KIFC1: variants seen among roughly 807,000 people sequenced by gnomAD.
KIFC1 encodes the protein kinesin-like protein KIFC1.
A neutral mutation model predicts 66.6 loss-of-function variants in KIFC1; 37 were observed. The ratio of observed to expected loss-of-function variants is 0.56; its 90% CI spans 0.43 to 0.73. KIFC1 has a LOEUF of 0.73. KIFC1 is among the 30% of genes least tolerant of loss of function. KIFC1 has a pLI of 0.00. For missense variants in KIFC1, 721 were observed against 859.8 expected (o/e 0.84, Z 2.02); for synonymous variants, 325 against 343.5 (o/e 0.95, Z 0.60).
At chr6:33,397,134 T>C (rs1775093690) in intron 1 of KIFC1, among the ~76,000 whole-genome samples, 1 of 150,374 alleles carries the variant, frequency 6.7e-6, no homozygotes, top group African/African-American at 2.5e-5. Flanking sequence ...TACAGGCACA[T>C]GCCACCATGC....
intron 10 of KIFC1, 200 bp downstream of exon 10, chr6:33,407,075 C>T: frequency 1.4e-6 from 2 of 1,406,042 alleles, no homozygotes; most frequent in Non-Finnish European, 1.8e-6. Flanking sequence ...ATTAATTTAA[C>T]CTGAGAAAGC....
At chr6:33,392,246 C>T (rs1210591132) in intron 1 of KIFC1, among the ~76,000 whole-genome samples, 1 of 152,244 alleles carries the variant, frequency 6.6e-6, no homozygotes, top group African/African-American at 2.4e-5. Context: ...CCTCCCTTAA[C>T]TTTCATGTCT....
chr6:33,406,116 T>G lies in KIFC1; in HGVS notation c.1537-80T>G. On this transcript the variant is annotated intron_variant, in intron 7 of 10. Transcript: ENST00000428849. This position sits in a 1 kb window ranked among gnomAD's most constrained non-coding sequence, Gnocchi z 4.5. Reference sequence around the variant, plus strand: ...CTAGAAAGCTTCAAGAGGGTGGGGGTGGGCTCTTATTCATTTCCATACATA... The same window carrying G: ...CTAGAAAGCTTCAAGAGGGTGGGGGGGGGCTCTTATTCATTTCCATACATA... The G allele has an allele frequency of 7.6e-7, 1 of 1,309,800 alleles. No individual in the cohort carries two copies. Among genetic ancestry groups the G allele is most frequent in the South Asian group, 1.4e-5 (1 of 70,058 alleles). 81.1% of individuals were successfully genotyped at this position (1,309,800 alleles called of 1,614,324 possible).
At position 33,405,040 on chromosome 6, in the gene KIFC1, C is replaced by T. The variant is rs893279967; in HGVS notation, c.945C>T (p.Cys315=). The change falls in exon 7 of 11, where the codon TGC becomes TGT. Residue 315 remains cysteine (C), a synonymous_variant. Transcript: ENST00000428849. This position sits in a 1 kb window ranked among gnomAD's most constrained non-coding sequence, Gnocchi z 5.4. The part of the protein sequence containing the change: ...QELKGNIRVF[C]RVRPVLPGEP... ...TCAAGGGCAACATCCGTGTATTCTG[C>T]CGGGTCCGCCCTGTCCTGCCGGGGG... is the stretch of plus-strand genomic sequence containing the variant. 1.2e-6 allele frequency: 2 copies of T among 1,614,124 alleles called. No homozygotes were observed. Among genetic ancestry groups the T allele is most frequent in the Non-Finnish European group, 1.7e-6 (2 of 1,179,980 alleles).
rs935491047 is a variant in KIFC1 at position 33,400,291 on chromosome 6, G to C, written c.250+1904G>C. 12 of 1,573,288 alleles carry C rather than the reference G, an allele frequency of 7.6e-6. No homozygotes were observed. In the Admixed American group the frequency reaches 1.3e-4, roughly 18 times the overall value. ...GTTTTTCTGTTTCTTTCTGTCTCTT[G>C]GTGGTTTCTTGAGGGCTTTGATGAT... On this transcript the variant is annotated intron_variant, in intron 3 of 10. Transcript: ENST00000428849. This position sits in a 1 kb window ranked among gnomAD's most constrained non-coding sequence, Gnocchi z 4.3.
rs1775351462 is a variant in KIFC1, at chr6:33,401,119, A to C, written c.251-2195A>C. Among the ~76,000 whole-genome samples, 1 of 151,938 alleles carries C rather than the reference A, an allele frequency of 6.6e-6. No individual in the cohort carries two copies. Among genetic ancestry groups the C allele is most frequent in the Admixed American group, 6.6e-5 (1 of 15,244 alleles). On this transcript the variant is annotated intron_variant, in intron 3 of 10. Transcript: ENST00000428849. This position sits in a 1 kb window ranked among gnomAD's most constrained non-coding sequence, Gnocchi z 4.5. The stretch of plus-strand genomic sequence containing the variant: ...ATATGAATCTCTGTCTCCTGGCTTG[A>C]AAATAAAATTTTTGTTTTTTGTTTT...
intron 10 of KIFC1, among the ~76,000 whole-genome samples, chr6:33,409,228 C>T (rs1775794033): frequency 6.6e-6 from 1 of 152,174 alleles, no homozygotes; most frequent in Non-Finnish European, 1.5e-5. Flanking sequence ...AGACAGAACT[C>T]TAGTAGTCTT....
At position 33,405,001 on chromosome 6, in the gene KIFC1, C is replaced by T; in HGVS notation, c.906C>T (p.Asn302=). 1 of 1,614,166 alleles carries T rather than the reference C, an allele frequency of 6.2e-7. No homozygotes were observed. The highest frequency in any genetic ancestry group is 8.5e-7 in the Non-Finnish European group (1 of 1,180,038). Residue 302 remains asparagine, a synonymous_variant, in exon 7 of 11, where the codon AAC becomes AAT. Transcript: ENST00000428849. The surrounding 1 kb of genome is among the most constrained non-coding windows in gnomAD (Gnocchi z 5.4). ...GLEMERRRLH[N]QLQELKGNIR... is the part of the protein sequence containing the mutation. ...AAATGGAGCGCCGGCGACTGCACAA[C>T]CAGCTGCAGGAACTCAAGGGCAACA...
rs1775853023 is a variant in KIFC1, at chr6:33,409,753, GTCCCTATGTCTA to G, written c.*65_*76del. 5 of 1,271,730 alleles carry G rather than the reference GTCCCTATGTCTA, an allele frequency of 3.9e-6. No individual in the cohort carries two copies. Among genetic ancestry groups the G allele is most frequent in the South Asian group, 1.3e-5 (1 of 76,656 alleles). 78.8% of individuals were successfully genotyped at this position (1,271,730 alleles called of 1,614,324 possible). A position where few individuals can be genotyped will look rare whatever the true frequency, so the allele number is the denominator to read the frequency against. On this transcript the variant is annotated 3_prime_UTR_variant, in exon 11 of 11. Coordinates refer to ENST00000428849, the MANE Select transcript of KIFC1 (RefSeq NM_002263.4). Reference sequence around the variant, plus strand: ...TGTGTGTGTGTGTGTGTGTGTGTGTGTCCCTATGTCTATGTATCGGGTGAGGGGTGGGAGGGT... The same window carrying G: ...TGTGTGTGTGTGTGTGTGTGTGTGTGTGTATCGGGTGAGGGGTGGGAGGGT...
Position 33,403,366 on chromosome 6 carries a change from A to G in KIFC1, c.303A>G (p.Thr101=), listed in dbSNP as rs1164932648. 6.2e-7 allele frequency: 1 copy of G among 1,614,020 alleles called. No homozygotes were observed. Among genetic ancestry groups the G allele is most frequent in the Non-Finnish European group, 8.5e-7 (1 of 1,179,886 alleles). The part of the protein sequence containing the change: ...TGPRCSTAIA[T]GLKNQKPVPA... ...CCCGGTGTTCCACAGCTATTGCCAC[A>G]GGTAACTGTGCTCAAGAGCTGGGTC... Residue 101 remains threonine (T), a splice_region_variant and synonymous_variant, in exon 4 of 11, where the codon ACA becomes ACG. Coordinates refer to ENST00000428849, the MANE Select transcript of KIFC1 (RefSeq NM_002263.4). This position sits in a 1 kb window ranked among gnomAD's most constrained non-coding sequence, Gnocchi z 4.6.
Position 33,406,513 on chromosome 6 carries a change from G to T in KIFC1, c.1827+27G>T. On this transcript the variant is annotated intron_variant, in intron 8 of 10. Transcript: ENST00000428849. The surrounding 1 kb of genome is among the most constrained non-coding windows in gnomAD (Gnocchi z 4.5). ...TGGGAATGGGAGTGGGGTGAGATAC[G>T]GGACCTGGGGGACAGTTGGGGTTGG... is the stretch of plus-strand genomic sequence containing the variant. The T allele has an allele frequency of 6.2e-7, 1 of 1,607,414 alleles. No individual in the cohort carries two copies. The highest frequency in any genetic ancestry group is 8.5e-7 in the Non-Finnish European group (1 of 1,175,794).
Position 33,398,040 on chromosome 6 carries a change from A to G in KIFC1, c.24A>G (p.Leu8=), listed in dbSNP as rs143580319. Residue 8 remains leucine (L), a synonymous_variant, in exon 2 of 11, where the codon CTA becomes CTG. Coordinates refer to ENST00000428849, the MANE Select transcript of KIFC1 (RefSeq NM_002263.4). The part of the protein sequence containing the change: MDPQRSP[L]LEVKGNIELK... Reference sequence around the variant, plus strand: ...TCTTTTCCCAACAGAGGTCCCCCCTATTGGAAGTAAAGGGGAACATAGAAC... The same window carrying G: ...TCTTTTCCCAACAGAGGTCCCCCCTGTTGGAAGTAAAGGGGAACATAGAAC... 2.0e-5 allele frequency: 33 copies of G among 1,613,750 alleles called. No individual in the cohort carries two copies. Among genetic ancestry groups the G allele is most frequent in the Middle Eastern group, 1.6e-4 (1 of 6,084 alleles).
Position 33,404,116 on chromosome 6 carries a change from T to C in KIFC1, c.743T>C (p.Leu248Pro). 1 of 1,609,894 alleles carries C rather than the reference T, an allele frequency of 6.2e-7. No homozygotes were observed. The highest frequency in any genetic ancestry group is 1.1e-5 in the South Asian group (1 of 90,692). ...QEERRGLMSQLEEKERRLQTS... is the reference protein window; with the variant it reads ...QEERRGLMSQPEEKERRLQTS... ...GAACGGAGGGGACTGATGTCCCAAC[T>C]AGAGGAGAAGGAGGTAAGGGCCAGA... The change falls in exon 6 of 11, where the codon CTA becomes CCA. Residue 248 changes from leucine (L) to proline (P), a missense_variant. Leu to Pro is a moderately conservative substitution (Grantham distance 98). Transcript: ENST00000428849. This position sits in a 1 kb window ranked among gnomAD's most constrained non-coding sequence, Gnocchi z 4.0.
At chr6:33,409,231 G>GTAT (rs1245705980) in intron 10 of KIFC1, among the ~76,000 whole-genome samples, 1 of 152,166 alleles carries the variant, frequency 6.6e-6, no homozygotes, top group African/African-American at 2.4e-5. Context: ...CAGAACTCTA[G>GTAT]TAGTCTTTTC....
At position 33,405,812 on chromosome 6, in the gene KIFC1, T is replaced by C. The variant is rs1775618547; in HGVS notation, c.1536+181T>C. Among the ~76,000 whole-genome samples, 2 of 152,104 alleles carry C rather than the reference T, an allele frequency of 1.3e-5. No individual in the cohort carries two copies. The highest frequency in any genetic ancestry group is 1.9e-4 in the East Asian group (1 of 5,166). On this transcript the variant is annotated intron_variant, in intron 7 of 10. Coordinates refer to ENST00000428849, the MANE Select transcript of KIFC1 (RefSeq NM_002263.4). The surrounding 1 kb of genome is among the most constrained non-coding windows in gnomAD (Gnocchi z 5.4). ...CGGTAGATCTGCCTTAACCTGGGAG[T>C]GGCGAGGGAGTGATGCATCTGCCAA...
At position 33,404,451 on chromosome 6, in the gene KIFC1, C is replaced by T. The variant is rs926578866; in HGVS notation, c.756+322C>T. Among the ~76,000 whole-genome samples the T allele has an allele frequency of 6.6e-6, 1 of 152,208 alleles. No individual in the cohort carries two copies. The highest frequency in any genetic ancestry group is 1.5e-5 in the Non-Finnish European group (1 of 68,048). Reference sequence around the variant, plus strand: ...AATTCCTGTGGTACTCTCTTTCCCTCCTCCCATGTCCACTTGACTCCTTCC... The same window carrying T: ...AATTCCTGTGGTACTCTCTTTCCCTTCTCCCATGTCCACTTGACTCCTTCC... On this transcript the variant is annotated intron_variant, in intron 6 of 10. Transcript: ENST00000428849. This position sits in a 1 kb window ranked among gnomAD's most constrained non-coding sequence, Gnocchi z 4.0.
In KIFC1 at chr6:33,403,560, G is replaced by A; in HGVS notation, c.355+25G>A. ...AGTAAGTGACAAACATAACCACTGG[G>A]TGAGAGGCTGGGATAGGGAAGAGAA... On this transcript the variant is annotated intron_variant, in intron 5 of 10. Coordinates refer to ENST00000428849, the MANE Select transcript of KIFC1 (RefSeq NM_002263.4). This position sits in a 1 kb window ranked among gnomAD's most constrained non-coding sequence, Gnocchi z 4.6. The A allele has an allele frequency of 5.0e-6, 8 of 1,612,308 alleles. No individual in the cohort carries two copies. Among genetic ancestry groups the A allele is most frequent in the Non-Finnish European group, 6.8e-6 (8 of 1,178,286 alleles).
At chr6:33,409,209 G>C (rs1775792783) in intron 10 of KIFC1, among the ~76,000 whole-genome samples, 1 of 152,124 alleles carries the variant, frequency 6.6e-6, no homozygotes, top group East Asian at 1.9e-4. Flanking sequence ...ATTGGTGCCA[G>C]TGTCCTTTAG....
chr6:33,395,145 A>G (rs1264161255), intron 1 of KIFC1, among the ~76,000 whole-genome samples: 2 of 152,226 alleles, frequency 1.3e-5, no homozygotes, highest in African/African-American at 2.4e-5. Flanking sequence ...TGAAAGCCTG[A>G]TTGCAATGGG....
Sources: allele counts gnomAD v4.1 joint callset (sites outside exome capture counted in the v4.1 genomes callset), GRCh38; gene constraint gnomAD v4.1.1; non-coding constraint Gnocchi (gnomAD v3.1); transcripts MANE v1.5; gene names NCBI Gene and HGNC (gene_info 2026-07-23, HGNC 2026-07-21).